Variants in CCDC88C observed in about 807,000 individuals in gnomAD.
CCDC88C encodes coiled-coil and HOOK domain protein 88C, also known as protein Daple.
CCDC88C carries 131 observed loss-of-function variants against 198.8 expected under a neutral mutation model. The observed-to-expected ratio is 0.66, with a 90% confidence interval of 0.57 to 0.76. The LOEUF is 0.76. Among genes scored for constraint, CCDC88C ranks in the 30% least tolerant of loss-of-function variants. The pLI is 0.00. For synonymous variants in CCDC88C, 1,166 were observed against 1,114.7 expected (o/e 1.05, Z -0.92); for missense variants, 2,553 against 2,631.6 (o/e 0.97, Z 0.65).
intron 2 of CCDC88C, among the ~76,000 whole-genome samples, chr14:91,413,407 G>A (rs1790435959): frequency 6.6e-6 from 1 of 152,298 alleles, no homozygotes; most frequent in South Asian, 2.1e-4. Flanking sequence ...ACTAGGAAGT[G>A]GCAGAGTGGG....
rs1056961657 is a variant in CCDC88C at position 91,352,360 on chromosome 14, C to A, written c.340+7282G>T. ...GCTTGGTGTCAGCCAAACTCTGCACCTTCCTAGGAAAGGAAAGCCTCGGCT... is the reference window on the plus strand; with the variant it reads ...GCTTGGTGTCAGCCAAACTCTGCACATTCCTAGGAAAGGAAAGCCTCGGCT... On this transcript the variant is annotated intron_variant, in intron 4 of 29. Coordinates refer to ENST00000389857, the MANE Select transcript of CCDC88C (RefSeq NM_001080414.4). The surrounding 1 kb of genome is among the most constrained non-coding windows in gnomAD (Gnocchi z 4.2). Among the ~76,000 whole-genome samples, 3 of 152,228 alleles carry A rather than the reference C, an allele frequency of 2.0e-5. No individual in the cohort carries two copies. The highest frequency in any genetic ancestry group is 2.9e-5 in the Non-Finnish European group (2 of 68,036).
At position 91,294,352 on chromosome 14, in the gene CCDC88C, T is replaced by C. The variant is rs761939649; in HGVS notation, c.3967-34A>G. 8 of 1,608,556 alleles carry C rather than the reference T, an allele frequency of 5.0e-6. No homozygotes were observed. In the East Asian group the frequency reaches 1.6e-4, roughly 31 times the overall value. ...CAGACCAACAGCGTCTCAGACACCATGTGACCCGGTGTTCCCACTGCTGGG... is the reference window on the plus strand; with the variant it reads ...CAGACCAACAGCGTCTCAGACACCACGTGACCCGGTGTTCCCACTGCTGGG... On this transcript the variant is annotated intron_variant, in intron 22 of 29. Coordinates refer to ENST00000389857, the MANE Select transcript of CCDC88C (RefSeq NM_001080414.4).
At chr14:91,294,104 A>AC (rs1374328632) in intron 23 of CCDC88C, 69 bp downstream of exon 23, 2 of 1,577,474 alleles carry the variant, frequency 1.3e-6, no homozygotes, top group African/African-American at 2.7e-5. Flanking sequence ...GGAAGCCAGG[A>AC]CCTCCAGAGA....
In CCDC88C at chr14:91,289,485, C is replaced by CATG. The variant is rs1429715853; in HGVS notation, c.4203-145_4203-143dup. 3.9e-6 allele frequency: 3 copies of CATG among 774,922 alleles called. No individual in the cohort carries two copies. In the East Asian group the frequency reaches 7.3e-5, roughly 19 times the overall value. The allele number at this position is 774,922 out of a possible 1,614,324, so 48.0% of individuals were successfully genotyped here. On this transcript the variant is annotated intron_variant, in intron 24 of 29. Coordinates refer to ENST00000389857, the MANE Select transcript of CCDC88C (RefSeq NM_001080414.4). ...ACGTGGGGTTCAGGACAATGACGCT[C>CATG]ATGACCATGGTAATCATATTTGGGG... is the stretch of plus-strand genomic sequence containing the variant.
intron 10 of CCDC88C, among the ~76,000 whole-genome samples, chr14:91,326,829 A>T (rs1319903952): frequency 6.6e-6 from 1 of 152,068 alleles, no homozygotes; most frequent in East Asian, 1.9e-4. Flanking sequence ...TCTTACAAAC[A>T]CTCTTAGATA....
chr14:91,378,437 G>A (rs1005661255), intron 3 of CCDC88C, among the ~76,000 whole-genome samples: 1 of 152,142 alleles, frequency 6.6e-6, no homozygotes, highest in African/African-American at 2.4e-5. Context: ...TCCTTGGCTC[G>A]GGACACTCAT....
rs371240510 is a variant in CCDC88C, at chr14:91,307,200, C to T, written c.3033G>A (p.Arg1011=). The T allele has an allele frequency of 5.6e-6, 9 of 1,613,610 alleles. No homozygotes were observed. The African/African-American group carries it at 1.1e-4, about 19-fold the overall frequency. The change falls in exon 18 of 30, where the codon AGG becomes AGA. Residue 1011 remains arginine (R), a synonymous_variant. Coordinates refer to ENST00000389857, the MANE Select transcript of CCDC88C (RefSeq NM_001080414.4). ...AGTGCTGCCCCTCTCCCTGGTTCTG[C>T]CTGAGGGTCTCACACTCCTTCTTTA... The part of the protein sequence containing the change: ...QMLKKECETL[R]QNQGEGQHLQ...
intron 3 of CCDC88C, among the ~76,000 whole-genome samples, chr14:91,401,424 T>C (rs1169928866): frequency 6.6e-6 from 1 of 150,902 alleles, no homozygotes; most frequent in African/African-American, 2.4e-5. Flanking sequence ...AACCTCTGCC[T>C]CCCAGGATCA....
chr14:91,326,942 A>AG, intron 10 of CCDC88C, among the ~76,000 whole-genome samples: 3 of 152,350 alleles, frequency 2.0e-5, no homozygotes, highest in Admixed American at 2.0e-4. Flanking sequence ...TATACAGCTG[A>AG]GGGGTGCGCT....
At chr14:91,333,647 C>T (rs971328474) in intron 10 of CCDC88C, among the ~76,000 whole-genome samples, 1 of 152,152 alleles carries the variant, frequency 6.6e-6, no homozygotes, top group Non-Finnish European at 1.5e-5. Context: ...TCCTATAACG[C>T]ACATATTAGT....
chr14:91,384,832 CA>C (rs1220207859), intron 3 of CCDC88C, among the ~76,000 whole-genome samples: 1 of 152,188 alleles, frequency 6.6e-6, no homozygotes, highest in East Asian at 1.9e-4. Context: ...CAGACAGCCC[CA>C]AGGGTGGATG....
chr14:91,323,930 C>T (rs186939442), intron 12 of CCDC88C, among the ~76,000 whole-genome samples: 2 of 152,376 alleles, frequency 1.3e-5, no homozygotes, highest in Admixed American at 6.5e-5. Flanking sequence ...TAGGAACCCC[C>T]AAATGCAAGA....
At position 91,272,813 on chromosome 14, in the gene CCDC88C, C is replaced by T. The variant is rs775008378; in HGVS notation, c.5899G>A (p.Gly1967Arg). The T allele has an allele frequency of 1.5e-5, 24 of 1,597,152 alleles. 1 individual carries two copies. The highest frequency in any genetic ancestry group is 1.3e-4 in the African/African-American group (10 of 74,694). Residue 1967 changes from glycine to arginine, a missense_variant, in exon 30 of 30, where the codon GGG (glycine) becomes AGG (arginine). Physicochemically the swap from Gly to Arg is moderately radical, Grantham distance 125. Coordinates refer to ENST00000389857, the MANE Select transcript of CCDC88C (RefSeq NM_001080414.4). ...RAGLSLSEGD[G>R]VPGQGCSEGL... Reference sequence around the variant, plus strand: ...TCACTGCAGCCCTGCCCCGGGACCCCGTCTCCCTCTGAGAGGCTGAGCCCT... The same window carrying T: ...TCACTGCAGCCCTGCCCCGGGACCCTGTCTCCCTCTGAGAGGCTGAGCCCT...
At chr14:91,384,805 C>G (rs370067602) in intron 3 of CCDC88C, among the ~76,000 whole-genome samples, 5 of 152,306 alleles carry the variant, frequency 3.3e-5, no homozygotes, top group African/African-American at 1.2e-4. Context: ...AGTCCTCCCC[C>G]ACTCCCTTCC....
Position 91,338,252 on chromosome 14 carries a change from A to G in CCDC88C, c.892-89T>C, listed in dbSNP as rs1893143272. The G allele has an allele frequency of 6.7e-7, 1 of 1,503,442 alleles. No individual in the cohort carries two copies. The allele number at this position is 1,503,442 out of a possible 1,614,324, so 93.1% of individuals were successfully genotyped here. A position where few individuals can be genotyped will look rare whatever the true frequency, so the allele number is the denominator to read the frequency against. ...CATTGCCCTTCTGCATGGTGTCTCC[A>G]CGACGGCCCAGGACAAGCCAGCTCC... On this transcript the variant is annotated intron_variant, in intron 9 of 29. Transcript: ENST00000389857. This position sits in a 1 kb window ranked among gnomAD's most constrained non-coding sequence, Gnocchi z 4.8.
At chr14:91,294,757 C>T (rs920014594) in intron 22 of CCDC88C, among the ~76,000 whole-genome samples, 2 of 152,210 alleles carry the variant, frequency 1.3e-5, no homozygotes, top group Non-Finnish European at 1.5e-5. Context: ...TGGGTTCAAG[C>T]GACTCTCCTG....
chr14:91,308,025 C>T (rs1467254532), intron 17 of CCDC88C, among the ~76,000 whole-genome samples: 1 of 152,192 alleles, frequency 6.6e-6, no homozygotes, highest in Non-Finnish European at 1.5e-5. Context: ...CAGAGGGCAC[C>T]CGTGAGACTC....
chr14:91,324,662 TG>T, intron 12 of CCDC88C, 116 bp downstream of exon 12: 3 of 1,283,634 alleles, frequency 2.3e-6, no homozygotes, highest in Non-Finnish European at 3.2e-6. Flanking sequence ...AAGGAAATCA[TG>T]TTTGCCTGGG....
intron 12 of CCDC88C, among the ~76,000 whole-genome samples, chr14:91,323,809 GA>G (rs1173036358): frequency 6.6e-6 from 1 of 152,226 alleles, no homozygotes; most frequent in Non-Finnish European, 1.5e-5. Context: ...GGATTTGGGG[GA>G]ACCCCCTTGT....
Sources: gnomAD v4.1 joint callset for allele counts (sites outside exome capture counted in the v4.1 genomes callset) on GRCh38, gnomAD v4.1.1 for gene constraint, Gnocchi (gnomAD v3.1) non-coding constraint, MANE v1.5 for transcripts, NCBI Gene and HGNC (gene_info 2026-07-23, HGNC 2026-07-21) for gene names.